FXYD5: variants seen among roughly 807,000 people sequenced by gnomAD.
The protein encoded by FXYD5 is FXYD domain containing ion transport regulator 5, also known as FXYD domain-containing ion transport regulator 5.
In FXYD5, 21 loss-of-function variants were observed where a neutral mutation model predicts 25.7. The ratio of observed to expected loss-of-function variants is 0.82; its 90% CI spans 0.58 to 1.18. FXYD5 has a LOEUF of 1.18. FXYD5 is among the 50% of genes most tolerant of loss of function. The probability of loss-of-function intolerance (pLI) is 0.00; values close to 1 mark genes in which losing one functional copy is unlikely to be tolerated. For synonymous variants in FXYD5, 101 were observed against 90.7 expected, an observed-to-expected ratio of 1.11 and a Z score of -0.64; for missense variants, 229 against 227.7, an observed-to-expected ratio of 1.01 and a Z score of -0.04.
intron 8 of FXYD5, among the ~76,000 whole-genome samples, chr19:35,167,101 T>C (rs1008609039): frequency 1.3e-5 from 2 of 152,204 alleles, no homozygotes; most frequent in African/African-American, 2.4e-5. Context: ...TAAAATCTTT[T>C]GGTACTCAAA....
rs1355464197 is a variant in FXYD5 at position 35,159,602 on chromosome 19, C to T, written c.200-1107C>T. Reference sequence around the variant, plus strand: ...CTTTTTCTGTCTACACACAGCACCACAATGAGCAACTTTGTCCCTTCCTCC... The same window carrying T: ...CTTTTTCTGTCTACACACAGCACCATAATGAGCAACTTTGTCCCTTCCTCC... On this transcript the variant is annotated intron_variant, in intron 4 of 8. Transcript: ENST00000392219. 5 of 1,550,472 alleles carry T rather than the reference C, an allele frequency of 3.2e-6. No individual in the cohort carries two copies. In the African/African-American group the frequency reaches 5.5e-5, roughly 17 times the overall value.
At chr19:35,161,559 G>C (rs946251898) in intron 5 of FXYD5, among the ~76,000 whole-genome samples, 1 of 152,336 alleles carries the variant, frequency 6.6e-6, no homozygotes, top group African/African-American at 2.4e-5. Flanking sequence ...TGAGAAATGA[G>C]CTGCTCTCAT....
At chr19:35,161,002 TGA>T (rs2065399847) in intron 5 of FXYD5, among the ~76,000 whole-genome samples, 1 of 152,216 alleles carries the variant, frequency 6.6e-6, no homozygotes, top group African/African-American at 2.4e-5. Flanking sequence ...GCAGGACTTC[TGA>T]GAGTCTTCAT....
Position 35,155,550 on chromosome 19 carries a change from G to T in FXYD5, c.1-1G>T. On this transcript the variant is annotated splice_acceptor_variant, in intron 1 of 8. Transcript: ENST00000392219. LOFTEE classifies it low-confidence loss of function (5UTR_SPLICE). ...GACCCCAGCATCGCCTGGTCCCACA[G>T]ATGTCGCCCTCTGGTCGCCTGTGTC... 2 of 1,609,640 alleles carry T rather than the reference G, an allele frequency of 1.2e-6. No individual in the cohort carries two copies. The highest frequency in any genetic ancestry group is 3.3e-5 in the Admixed American group (2 of 60,026).
Position 35,160,774 on chromosome 19 carries a change from C to T in FXYD5, c.265C>T (p.Pro89Ser). ...AACGGATGGGCCTCTAGTGACAGATCCAGAGACACACAAGAGCACCAAAGC... is the reference window on the plus strand; with the variant it reads ...AACGGATGGGCCTCTAGTGACAGATTCAGAGACACACAAGAGCACCAAAGC... ...EGTDGPLVTD[P>S]ETHKSTKAAH... Residue 89 changes from proline to serine, a missense_variant, in exon 5 of 9, where the codon CCA becomes TCA. Coordinates refer to ENST00000392219, the MANE Select transcript of FXYD5 (RefSeq NM_014164.6). The T allele has an allele frequency of 6.2e-7, 1 of 1,612,966 alleles. No individual in the cohort carries two copies. Among genetic ancestry groups the T allele is most frequent in the East Asian group, 2.2e-5 (1 of 44,874 alleles).
At chr19:35,158,095 A>G (rs1331810205) in intron 3 of FXYD5, among the ~76,000 whole-genome samples, 1 of 152,198 alleles carries the variant, frequency 6.6e-6, no homozygotes, top group Non-Finnish European at 1.5e-5. Flanking sequence ...GAGTCTTGAG[A>G]AAGACAATTT....
At chr19:35,161,003 G>C (rs2145417881) in intron 5 of FXYD5, among the ~76,000 whole-genome samples, 1 of 152,298 alleles carries the variant, frequency 6.6e-6, no homozygotes, top group South Asian at 2.1e-4. Context: ...CAGGACTTCT[G>C]AGAGTCTTCA....
chr19:35,155,519 A>G (rs770143392), intron 1 of FXYD5, 32 bp from the exon 2 acceptor site: 33 of 1,593,692 alleles, frequency 2.1e-5, no homozygotes, highest in East Asian at 2.2e-5. Flanking sequence ...CACTGACATC[A>G]TGGCTGACCC....
chr19:35,159,720 C>A, intron 4 of FXYD5: 1 of 1,422,550 alleles, frequency 7.0e-7, no homozygotes, highest in Non-Finnish European at 9.3e-7. Flanking sequence ...TTCACGCAAA[C>A]CCTAAGAGGC....
At chr19:35,158,251 C>T in intron 3 of FXYD5, 93 bp from the exon 4 acceptor site, 1 of 811,202 alleles carries the variant, frequency 1.2e-6, no homozygotes, top group Non-Finnish European at 2.2e-6. Flanking sequence ...AGTTGAGTTG[C>T]TACGGGAATC....
rs368851058 is a variant in FXYD5 at position 35,155,602 on chromosome 19, C to T, written c.52C>T (p.Pro18Ser). Reference protein sequence around the residue: ...CLLTIVGLILPTRGQTLKDTT... With the variant: ...CLLTIVGLILSTRGQTLKDTT... ...TCTCACCATCGTTGGCCTGATTCTC[C>T]CCACCAGAGGTAAGACCCATCTCTG... The change falls in exon 2 of 9, where the codon CCC (proline) becomes TCC (serine). Residue 18 changes from proline (P) to serine (S), a missense_variant. Coordinates refer to ENST00000392219, the MANE Select transcript of FXYD5 (RefSeq NM_014164.6). The T allele has an allele frequency of 2.7e-5, 44 of 1,608,886 alleles. No individual in the cohort carries two copies. Among genetic ancestry groups the T allele is most frequent in the Non-Finnish European group, 3.6e-5 (43 of 1,178,556 alleles).
intron 6 of FXYD5, among the ~76,000 whole-genome samples, chr19:35,164,564 C>T (rs2065434529): frequency 6.6e-6 from 1 of 152,214 alleles, no homozygotes; most frequent in African/African-American, 2.4e-5. Context: ...TGGACTTACT[C>T]ATGCGTCTGA....
intron 1 of FXYD5, 136 bp from the exon 2 acceptor site, chr19:35,155,415 G>A (rs919798105): frequency 2.8e-6 from 2 of 721,744 alleles, no homozygotes; most frequent in African/African-American, 1.7e-5. Flanking sequence ...GAGGCCAGCC[G>A]TCAGCCCCTG....
At chr19:35,159,820 T>C (rs2065389056) in intron 4 of FXYD5, 2 of 722,552 alleles carry the variant, frequency 2.8e-6, no homozygotes, top group Non-Finnish European at 4.3e-6. Context: ...GGGACGCAGC[T>C]GGAATCGAAG....
intron 8 of FXYD5, chr19:35,166,775 C>A (rs1420582287): frequency 1.1e-5 from 2 of 185,268 alleles, no homozygotes; most frequent in African/African-American, 4.7e-5. Context: ...CAAAGCAAGT[C>A]ATGAGGCTGG....
chr19:35,157,458 A>C lies in FXYD5; in HGVS notation c.99A>C (p.Ala33=). 4 of 1,598,996 alleles carry C rather than the reference A, an allele frequency of 2.5e-6. No homozygotes were observed. The highest frequency in any genetic ancestry group is 3.4e-6 in the Non-Finnish European group (4 of 1,166,280). The change falls in exon 3 of 9, where the codon GCA becomes GCC. Residue 33 remains alanine (A), a synonymous_variant. Transcript: ENST00000392219. ...AAGATACCACGTCCAGTTCTTCAGC[A>C]GACTCAACTATCATGGACATTCAGG... ...TLKDTTSSSS[A]DSTIMDIQVP...
At chr19:35,162,319 C>A (rs532953694) in intron 5 of FXYD5, among the ~76,000 whole-genome samples, 1 of 152,314 alleles carries the variant, frequency 6.6e-6, no homozygotes, top group South Asian at 2.1e-4. Context: ...TTATTTGAGC[C>A]TCCTAGCTCA....
intron 6 of FXYD5, among the ~76,000 whole-genome samples, chr19:35,165,754 G>T (rs1281001664): frequency 6.6e-6 from 1 of 152,072 alleles, no homozygotes. Context: ...TTGGATTTTG[G>T]ATTTGGGGAT....
rs771837454 is a variant in FXYD5 at position 35,158,347 on chromosome 19, C to T, written c.146C>T (p.Ala49Val). Residue 49 changes from alanine (A) to valine (V), a missense_variant, in exon 4 of 9, where the codon GCA (alanine) becomes GTA (valine). By Grantham distance (64) the Ala-to-Val change is moderately conservative (BLOSUM62 0). Coordinates refer to ENST00000392219, the MANE Select transcript of FXYD5 (RefSeq NM_014164.6). ...ACTCCTTGTTTCTGGACTCCAGATGCAGTCTACACAGAACTCCAGCCCACC... is the reference window on the plus strand; with the variant it reads ...ACTCCTTGTTTCTGGACTCCAGATGTAGTCTACACAGAACTCCAGCCCACC... ...DIQVPTRAPD[A>V]VYTELQPTSP... 2 of 1,602,654 alleles carry T rather than the reference C, an allele frequency of 1.2e-6. No individual in the cohort carries two copies. Among genetic ancestry groups the T allele is most frequent in the Non-Finnish European group, 1.7e-6 (2 of 1,169,672 alleles).
Sources: gnomAD v4.1 joint callset for allele counts (sites outside exome capture counted in the v4.1 genomes callset) on GRCh38, gnomAD v4.1.1 for gene constraint, MANE v1.5 for transcripts, NCBI Gene and HGNC (gene_info 2026-07-23, HGNC 2026-07-21) for gene names.